The following TXLNB variants were observed in gnomAD, a reference collection of about 807,000 sequenced individuals.
TXLNB encodes the protein taxilin beta, also known as beta-taxilin.
A neutral mutation model predicts 57.4 loss-of-function variants in TXLNB; 37 were observed. The observed-to-expected ratio is 0.64, with a 90% CI of 0.50 to 0.85. The LOEUF (loss-of-function observed/expected upper bound fraction) is 0.85. TXLNB is among the 40% of genes least tolerant of loss of function. TXLNB has a pLI of 0.00. For missense variants in TXLNB, 848 were observed against 825.6 expected, an observed-to-expected ratio of 1.03 and a Z score of -0.33; for synonymous variants, 302 against 309.6, an observed-to-expected ratio of 0.98 and a Z score of 0.26.
chr6:139,167,342 C>T, the TXLNB span: 1 of 1,517,904 alleles, frequency 6.6e-7, no homozygotes, highest in Non-Finnish European at 9.0e-7. Context: ...TGTTAATTCA[C>T]CTTGCCTGCT....
chr6:139,261,494 TA>T (rs767461823), intron 5 of TXLNB, among the ~76,000 whole-genome samples: 5 of 152,156 alleles, frequency 3.3e-5, no homozygotes, highest in Non-Finnish European at 7.4e-5. Flanking sequence ...AGCAGAGATT[TA>T]AAATTTGGGT....
At chr6:139,175,712 C>T in the TXLNB span, among the ~76,000 whole-genome samples, 7 of 152,180 alleles carry the variant, frequency 4.6e-5, no homozygotes, top group Admixed American at 1.3e-4. Context: ...TGTGTCACAG[C>T]CATGACTGCA....
chr6:139,185,179 A>G, the TXLNB span, among the ~76,000 whole-genome samples: 1 of 152,028 alleles, frequency 6.6e-6, no homozygotes, highest in Non-Finnish European at 1.5e-5. Flanking sequence ...CCTGGGGGCT[A>G]CTGTGCATAT....
rs139335581 is a variant in TXLNB, at chr6:139,279,420, A to C, written c.425-2499T>G. Among the ~76,000 whole-genome samples, 783 of 152,332 alleles carry C rather than the reference A, an allele frequency of 5.1e-3. 2 individuals are homozygous for C. Among genetic ancestry groups the C allele is most frequent in the Non-Finnish European group, 7.9e-3 (537 of 68,026 alleles). On this transcript the variant is annotated intron_variant, in intron 2 of 9. Transcript: ENST00000358430. ...TTCAAAAATTATTCTTCCCTTCAACAAAAAATCCAGGAAACAGAATTTCTA... is the reference window on the plus strand; with the variant it reads ...TTCAAAAATTATTCTTCCCTTCAACCAAAAATCCAGGAAACAGAATTTCTA...
the TXLNB span, among the ~76,000 whole-genome samples, chr6:139,176,229 T>G: frequency 1.3e-5 from 2 of 152,230 alleles, no homozygotes; most frequent in African/African-American, 4.8e-5. This position sits in a 1 kb window ranked among gnomAD's most constrained non-coding sequence, Gnocchi z 4.5. Flanking sequence ...GGCATGGTGC[T>G]TTATCACATG....
At chr6:139,319,402 CCTTT>C in the TXLNB span, among the ~76,000 whole-genome samples, 6 of 151,610 alleles carry the variant, frequency 4.0e-5, no homozygotes, top group South Asian at 2.1e-4. Context: ...ACCCATCCTT[CCTTT>C]CTTTCTTTTT....
chr6:139,166,906 A>G, the TXLNB span: 2 of 1,614,022 alleles, frequency 1.2e-6, no homozygotes, highest in Non-Finnish European at 8.5e-7. Flanking sequence ...GGGAGTTCTT[A>G]AAGAACGCCA....
chr6:139,205,011 G>A, the TXLNB span, among the ~76,000 whole-genome samples: 2 of 152,244 alleles, frequency 1.3e-5, no homozygotes, highest in East Asian at 3.9e-4. Flanking sequence ...CTCACCTGAT[G>A]GTATTTCTCT....
At chr6:139,219,417 C>T in the TXLNB span, among the ~76,000 whole-genome samples, 7 of 152,152 alleles carry the variant, frequency 4.6e-5, no homozygotes, top group Admixed American at 1.3e-4. Flanking sequence ...AGCTGGCAGC[C>T]GCACGGAGGC....
At chr6:139,162,124 A>G in the TXLNB span, among the ~76,000 whole-genome samples, 23 of 152,312 alleles carry the variant, frequency 1.5e-4, no homozygotes, top group African/African-American at 4.8e-4. Context: ...AAGATGAGTA[A>G]GAGGCTTCCT....
chr6:139,189,037 G>A, the TXLNB span, among the ~76,000 whole-genome samples: 9 of 152,176 alleles, frequency 5.9e-5, no homozygotes, highest in Non-Finnish European at 1.0e-4. Context: ...GATTACAGGC[G>A]TGAGCCACCA....
the TXLNB span, among the ~76,000 whole-genome samples, chr6:139,306,128 C>G: frequency 3.4e-3 from 522 of 152,258 alleles, 3 homozygotes; most frequent in African/African-American, 0.012. Context: ...AATACAGTGC[C>G]TGGCCCAGAG....
chr6:139,205,624 A>G, the TXLNB span, among the ~76,000 whole-genome samples: 1 of 152,120 alleles, frequency 6.6e-6, no homozygotes, highest in Non-Finnish European at 1.5e-5. Context: ...CAATCAGACA[A>G]AGACAAAGAA....
chr6:139,229,669 CT>C, the TXLNB span, among the ~76,000 whole-genome samples: 1 of 152,108 alleles, frequency 6.6e-6, no homozygotes, highest in Non-Finnish European at 1.5e-5. Context: ...TGTATTTCTT[CT>C]TCTACAAACT....
intron 9 of TXLNB, among the ~76,000 whole-genome samples, chr6:139,244,143 A>T (rs73558581): frequency 0.014 from 2,085 of 152,294 alleles, 35 homozygotes; most frequent in African/African-American, 0.047. Context: ...AATTAAAAAG[A>T]TATCTCCATA....
intron 3 of TXLNB, among the ~76,000 whole-genome samples, chr6:139,274,534 T>C (rs1418948525): frequency 8.5e-5 from 13 of 152,214 alleles, no homozygotes; most frequent in Non-Finnish European, 1.8e-4. Flanking sequence ...AATGCCAAAA[T>C]ATAGCAAGTA....
At chr6:139,254,446 C>T (rs2114480807) in intron 7 of TXLNB, among the ~76,000 whole-genome samples, 1 of 152,304 alleles carries the variant, frequency 6.6e-6, no homozygotes, top group East Asian at 1.9e-4. Context: ...CGGTGAATTT[C>T]TCCCTGTGAC....
chr6:139,167,270 C>T, the TXLNB span: 7 of 1,612,648 alleles, frequency 4.3e-6, no homozygotes, highest in African/African-American at 9.3e-5. Flanking sequence ...AACTTTGTTC[C>T]TAAGCCCGTC....
the TXLNB span, among the ~76,000 whole-genome samples, chr6:139,318,939 CTT>C: frequency 5.6e-4 from 67 of 120,336 alleles, no homozygotes; most frequent in African/African-American, 2.0e-3. Context: ...GTCTTCCTTC[CTT>C]TTTTTTTTTT....
Sources: allele counts gnomAD v4.1 joint callset (sites outside exome capture counted in the v4.1 genomes callset), GRCh38; gene constraint gnomAD v4.1.1; non-coding constraint Gnocchi (gnomAD v3.1); transcripts MANE v1.5; gene names NCBI Gene and HGNC (gene_info 2026-07-23, HGNC 2026-07-21).